The following PAK6 variants were observed in gnomAD, a reference collection of about 807,000 sequenced individuals.
PAK6 encodes p21 (RAC1) activated kinase 6, also known as serine/threonine-protein kinase PAK 6.
A neutral mutation model predicts 60.8 loss-of-function variants in PAK6; 33 were observed. The observed-to-expected ratio is 0.54, with a 90% CI of 0.41 to 0.73. PAK6 has a LOEUF of 0.73. PAK6 is among the 30% of genes least tolerant of loss of function. The pLI, the probability that PAK6 is intolerant of heterozygous loss-of-function variation, is 0.00. For missense variants in PAK6, 845 were observed against 904.1 expected (o/e 0.93, Z 0.84); for synonymous variants, 404 against 378.5 (o/e 1.07, Z -0.78).
chr15:40,248,069 A>C (rs1396993572), intron 2 of PAK6, among the ~76,000 whole-genome samples: 1 of 152,092 alleles, frequency 6.6e-6, no homozygotes, highest in Non-Finnish European at 1.5e-5. Flanking sequence ...TTTCCATTAC[A>C]TGCATCAGGA....
exon 4 of PAK6, chr15:40,264,806 G>C (rs2039076685): frequency 1.9e-6 from 3 of 1,613,892 alleles, no homozygotes; most frequent in Non-Finnish European, 2.5e-6. Context: ...AGAAAAAGAA[G>C]AAACGCCCTG....
exon 11 of PAK6, chr15:40,276,749 C>CGTGTGTGCGTGTGTGT (rs371193727): frequency 7.4e-6 from 1 of 134,436 alleles, no homozygotes; most frequent in Admixed American, 7.6e-5. Flanking sequence ...GAGAGAACAT[C>CGTGTGTGCGTGTGTGT]GTGTGTGTGT....
intron 3 of PAK6, among the ~76,000 whole-genome samples, chr15:40,254,097 A>G (rs2038770302): frequency 6.6e-6 from 1 of 152,174 alleles, no homozygotes; most frequent in East Asian, 1.9e-4. Flanking sequence ...CACATTTGGA[A>G]CCGAAGAGAG....
intron 5 of PAK6, chr15:40,267,081 C>T (rs2039162072): frequency 6.6e-6 from 1 of 152,568 alleles, no homozygotes; most frequent in Non-Finnish European, 1.5e-5. Flanking sequence ...GGCCCGGGCC[C>T]TCTTGGCTCA....
chr15:40,272,122 C>G, intron 5 of PAK6, 102 bp from the exon 6 acceptor site: 3 of 1,329,904 alleles, frequency 2.3e-6, no homozygotes. Flanking sequence ...CCCGCCTGAC[C>G]CTGCCAGAGT....
chr15:40,249,192 C>T (rs2038588884), intron 2 of PAK6, among the ~76,000 whole-genome samples: 1 of 152,158 alleles, frequency 6.6e-6, no homozygotes, highest in Admixed American at 6.5e-5. Flanking sequence ...GAATCCCATT[C>T]ATGAGGGCTC....
chr15:40,242,516 G>A (rs1013799418), intron 2 of PAK6, among the ~76,000 whole-genome samples: 4 of 152,220 alleles, frequency 2.6e-5, no homozygotes, highest in East Asian at 1.9e-4. Context: ...TGCACCTACC[G>A]GGCCTCAAGG....
intron 5 of PAK6, chr15:40,267,045 G>A (rs1369605045): frequency 6.5e-6 from 1 of 152,990 alleles, no homozygotes; most frequent in African/African-American, 2.4e-5. Context: ...GAAGGAAGGT[G>A]GGGAGTGCTC....
chr15:40,252,224 C>G, intron 2 of PAK6: 7 of 1,174,762 alleles, frequency 6.0e-6, no homozygotes, highest in Non-Finnish European at 6.5e-6. Context: ...AGAGTCGGCC[C>G]GCGGCTCTGG....
intron 5 of PAK6, among the ~76,000 whole-genome samples, chr15:40,267,582 C>A (rs1359437095): frequency 6.6e-6 from 1 of 152,176 alleles, no homozygotes; most frequent in Non-Finnish European, 1.5e-5. Context: ...TGGCGTGAAC[C>A]CGGGAGGCAG....
chr15:40,258,174 C>T (rs2038889625), intron 3 of PAK6, among the ~76,000 whole-genome samples: 1 of 152,222 alleles, frequency 6.6e-6, no homozygotes, highest in African/African-American at 2.4e-5. Context: ...CCCCAGGCCC[C>T]CTGGCCTCTG....
chr15:40,249,742 G>A (rs993581266), intron 2 of PAK6, among the ~76,000 whole-genome samples: 4 of 152,206 alleles, frequency 2.6e-5, no homozygotes, highest in Non-Finnish European at 4.4e-5. Flanking sequence ...CTCAGCCCTG[G>A]CTGTTGGCAC....
intron 2 of PAK6, 158 bp from the exon 3 acceptor site, chr15:40,253,020 C>T: frequency 2.4e-6 from 1 of 417,990 alleles, no homozygotes; most frequent in South Asian, 2.0e-5. Flanking sequence ...TCCCCGTAAG[C>T]CCCGCAAGGA....
intron 2 of PAK6, chr15:40,252,794 C>T: frequency 7.7e-7 from 1 of 1,298,954 alleles, no homozygotes; most frequent in Non-Finnish European, 1.0e-6. Flanking sequence ...CGGGACCAGC[C>T]GGCGCCAGGC....
intron 5 of PAK6, among the ~76,000 whole-genome samples, chr15:40,269,818 G>A (rs1349146717): frequency 6.6e-6 from 1 of 152,192 alleles, no homozygotes; most frequent in Non-Finnish European, 1.5e-5. Context: ...AGCACCTGCA[G>A]CAGCAGCAGC....
exon 2 of PAK6, chr15:40,240,679 A>T (rs1030849275): frequency 2.3e-6 from 1 of 443,642 alleles, no homozygotes; most frequent in Admixed American, 2.5e-5. Flanking sequence ...AGGAGCAGCC[A>T]CGGTAAGGTC....
At chr15:40,242,668 G>A (rs1474089083) in intron 2 of PAK6, among the ~76,000 whole-genome samples, 2 of 152,162 alleles carry the variant, frequency 1.3e-5, no homozygotes, top group African/African-American at 4.8e-5. Context: ...CCTGCCCAGG[G>A]CGAGCAGTCT....
intron 2 of PAK6, among the ~76,000 whole-genome samples, chr15:40,248,679 A>T (rs1002252857): frequency 6.6e-6 from 1 of 152,186 alleles, no homozygotes; most frequent in African/African-American, 2.4e-5. Context: ...ACCCAGTGCC[A>T]TGTGGGGGTC....
At chr15:40,260,949 C>A (rs748793282) in intron 3 of PAK6, among the ~76,000 whole-genome samples, 3 of 150,884 alleles carry the variant, frequency 2.0e-5, no homozygotes, top group Non-Finnish European at 4.4e-5. Context: ...AATGCAGTGG[C>A]CTGATCTCAG....
Sources: gnomAD v4.1 joint callset for allele counts (sites outside exome capture counted in the v4.1 genomes callset) on GRCh38, gnomAD v4.1.1 for gene constraint, MANE v1.5 for transcripts, NCBI Gene and HGNC (gene_info 2026-07-23, HGNC 2026-07-21) for gene names.